DACH2: variants seen among roughly 807,000 people sequenced by gnomAD.
DACH2 encodes dachshund homolog 2.
A neutral mutation model predicts 35.8 loss-of-function variants in DACH2; 17 were observed. That is an observed-to-expected ratio of 0.48 (90% CI 0.33 to 0.71). The LOEUF is 0.71. Among genes scored for constraint, DACH2 ranks in the 30% least tolerant of loss-of-function variants. The pLI, the probability that DACH2 is intolerant of heterozygous loss-of-function variation, is 0.02. For synonymous variants in DACH2, 195 were observed against 177.3 expected, an observed-to-expected ratio of 1.10 and a Z score of -0.79; for missense variants, 469 against 472.7, an observed-to-expected ratio of 0.99 and a Z score of 0.07.
At chrX:86,357,011 G>A (rs1310265982) in intron 1 of DACH2, among the ~76,000 whole-genome samples, 2 of 110,971 alleles carry the variant, frequency 1.8e-5, no homozygotes, top group Non-Finnish European at 3.8e-5. Flanking sequence ...GTATGCCTTT[G>A]TATACCCATA....
chrX:86,167,626 G>A (rs2030986992), intron 1 of DACH2, among the ~76,000 whole-genome samples: 2 of 110,877 alleles, frequency 1.8e-5, no homozygotes, highest in South Asian at 7.5e-4. Context: ...TCTTTTAGGT[G>A]TAATGTTAGA....
At chrX:86,383,131 G>A (rs769694384) in intron 2 of DACH2, among the ~76,000 whole-genome samples, 13 of 110,210 alleles carry the variant, frequency 1.2e-4, no homozygotes, top group Non-Finnish European at 2.5e-4. Flanking sequence ...TCATAAACAC[G>A]AAATAAATCA....
At chrX:86,597,345 C>A (rs2148354925) in intron 3 of DACH2, among the ~76,000 whole-genome samples, 1 of 111,838 alleles carries the variant, frequency 8.9e-6, no homozygotes, top group Admixed American at 9.5e-5. Context: ...TAGCTGCATT[C>A]AATGCATTTT....
intron 2 of DACH2, among the ~76,000 whole-genome samples, chrX:86,466,593 C>A (rs947762567): frequency 3.6e-5 from 4 of 111,835 alleles, no homozygotes; most frequent in African/African-American, 1.3e-4. Context: ...AAAAGCAAGT[C>A]CCTTCCACCT....
intron 4 of DACH2, among the ~76,000 whole-genome samples, chrX:86,679,420 C>T (rs2148431069): frequency 8.9e-6 from 1 of 111,960 alleles, no homozygotes; most frequent in African/African-American, 3.2e-5. Context: ...CTAAAACATA[C>T]ATATTGCTAT....
chrX:86,649,222 T>C (rs1339006891), intron 3 of DACH2, among the ~76,000 whole-genome samples: 1 of 111,055 alleles, frequency 9.0e-6, no homozygotes, highest in Non-Finnish European at 1.9e-5. Flanking sequence ...TCTTTATCTG[T>C]GAGAGGGTTT....
intron 1 of DACH2, among the ~76,000 whole-genome samples, chrX:86,283,415 A>G (rs5967704): frequency 0.43 from 47,271 of 109,989 alleles, 7,871 homozygotes; most frequent in East Asian, 0.54. Flanking sequence ...TTCCACATAA[A>G]GACAAATGCA....
At chrX:86,473,578 A>T (rs781498038) in intron 2 of DACH2, among the ~76,000 whole-genome samples, 5 of 109,638 alleles carry the variant, frequency 4.6e-5, no homozygotes, top group East Asian at 5.8e-4. Flanking sequence ...CATGAGTTCA[A>T]TTTTTTTTTA....
chrX:86,524,305 A>T (rs1488321932), intron 3 of DACH2, among the ~76,000 whole-genome samples: 1 of 112,192 alleles, frequency 8.9e-6, no homozygotes, highest in Non-Finnish European at 1.9e-5. Flanking sequence ...GGATGAGAGG[A>T]GTGAAAGCAG....
At chrX:86,776,348 C>T (rs1303954399) in intron 7 of DACH2, among the ~76,000 whole-genome samples, 1 of 111,491 alleles carries the variant, frequency 9.0e-6, no homozygotes, top group Non-Finnish European at 1.9e-5. Context: ...GCACCAATCT[C>T]ATCTGAAGCT....
chrX:86,304,295 C>T (rs1294315416), intron 1 of DACH2: 4 of 112,159 alleles, frequency 3.6e-5, no homozygotes, highest in African/African-American at 1.3e-4. Flanking sequence ...CCCTGCTTGC[C>T]CACTGCTCAG....
intron 1 of DACH2, among the ~76,000 whole-genome samples, chrX:86,362,125 A>G (rs981046178): frequency 6.3e-5 from 7 of 111,361 alleles, no homozygotes; most frequent in African/African-American, 2.0e-4. Context: ...TATTTACTCA[A>G]TGTTTAGCAA....
rs1033856640 is a variant in DACH2, at chrX:86,315,288, C to T, written c.489-61536C>T. 3.6e-5 allele frequency among the ~76,000 whole-genome samples: 4 copies of T among 111,937 alleles called. No individual in the cohort carries two copies. In the Admixed American group the frequency reaches 3.8e-4, roughly 11 times the overall value. ...CACGGTTTACTGAATATTTTAAGCC[C>T]GCTATTGAAACCTACTGTTCAGAAA... On this transcript the variant is annotated intron_variant, in intron 1 of 11. Transcript: ENST00000373125.
At chrX:86,407,728 A>T (rs187273659) in intron 2 of DACH2, among the ~76,000 whole-genome samples, 1 of 111,921 alleles carries the variant, frequency 8.9e-6, no homozygotes, top group Non-Finnish European at 1.9e-5. Flanking sequence ...TGGGGGTTAC[A>T]TGTGAGAAGG....
At chrX:86,400,793 G>T (rs1390314600) in intron 2 of DACH2, among the ~76,000 whole-genome samples, 2 of 111,847 alleles carry the variant, frequency 1.8e-5, no homozygotes, top group Non-Finnish European at 3.8e-5. Flanking sequence ...GCCCCTACTG[G>T]GGGGTGCCTC....
At position 86,286,096 on chromosome X, in the gene DACH2, C is replaced by T. The variant is rs760637824; in HGVS notation, c.489-90728C>T. 2.8e-5 allele frequency among the ~76,000 whole-genome samples: 3 copies of T among 105,573 alleles called. No homozygotes were observed. The South Asian group carries it at 1.3e-3, about 46-fold the overall frequency. 91.7% of individuals were successfully genotyped at this position (105,573 alleles called of 115,157 possible). On this transcript the variant is annotated intron_variant, in intron 1 of 11. Coordinates refer to ENST00000373125, the MANE Select transcript of DACH2 (RefSeq NM_053281.3). ...CAACAAATCAATGGTTCTTGTTCTT[C>T]CATCCATTCAGCCAGTCTGTTTTTT...
intron 3 of DACH2, among the ~76,000 whole-genome samples, chrX:86,585,360 G>C (rs1239762162): frequency 2.7e-5 from 3 of 110,343 alleles, no homozygotes; most frequent in Non-Finnish European, 5.7e-5. Flanking sequence ...GATGTGAAAT[G>C]GTATCTCAAT....
intron 1 of DACH2, among the ~76,000 whole-genome samples, chrX:86,164,370 C>G (rs1222503546): frequency 1.8e-5 from 2 of 110,751 alleles, no homozygotes; most frequent in Admixed American, 9.7e-5. Flanking sequence ...ATATTTTCTC[C>G]CATTCTGTAG....
At chrX:86,443,056 G>A (rs1476913655) in intron 2 of DACH2, among the ~76,000 whole-genome samples, 1 of 111,341 alleles carries the variant, frequency 9.0e-6, no homozygotes, top group Non-Finnish European at 1.9e-5. Context: ...TTGGCTATTT[G>A]GGGTCTTTTG....
Sources: gnomAD v4.1 joint callset for allele counts (sites outside exome capture counted in the v4.1 genomes callset) on GRCh38, gnomAD v4.1.1 for gene constraint, MANE v1.5 for transcripts, NCBI Gene and HGNC (gene_info 2026-07-23, HGNC 2026-07-21) for gene names.